Variants in STX12 observed in about 807,000 individuals in gnomAD.
STX12 encodes syntaxin 12, also known as syntaxin-12.
In STX12, 17 loss-of-function variants were observed where a neutral mutation model predicts 42.2. The ratio of observed to expected loss-of-function variants is 0.40; its 90% CI spans 0.28 to 0.60. The LOEUF is 0.60. Ranked by LOEUF, STX12 falls within the 20% of genes least tolerant of loss-of-function variation. STX12 has a pLI of 0.39. For synonymous variants in STX12, 108 were observed against 116.7 expected (o/e 0.93, Z 0.48); for missense variants, 297 against 330.9 (o/e 0.90, Z 0.79).
intron 4 of STX12, among the ~76,000 whole-genome samples, chr1:27,808,805 T>C (rs1368896723): frequency 6.6e-6 from 1 of 152,200 alleles, no homozygotes; most frequent in Non-Finnish European, 1.5e-5. Flanking sequence ...CCAAAAATCC[T>C]GGTGAATTCT....
intron 1 of STX12, among the ~76,000 whole-genome samples, chr1:27,781,180 A>G (rs968050671): frequency 6.6e-6 from 1 of 152,002 alleles, no homozygotes. Context: ...AGTAGCTGGG[A>G]TTACAGGCTC....
At chr1:27,781,982 T>C (rs2088670583) in intron 1 of STX12, among the ~76,000 whole-genome samples, 1 of 152,196 alleles carries the variant, frequency 6.6e-6, no homozygotes, top group South Asian at 2.1e-4. Context: ...ATATGAAGAT[T>C]CTCTTATTCT....
At chr1:27,789,971 A>G (rs1015606731) in intron 2 of STX12, among the ~76,000 whole-genome samples, 11 of 152,146 alleles carry the variant, frequency 7.2e-5, no homozygotes, top group Admixed American at 4.6e-4. Context: ...AGGACTCCTC[A>G]TGATCTAGTC....
chr1:27,790,144 A>G (rs911619246), intron 2 of STX12, among the ~76,000 whole-genome samples: 1 of 152,246 alleles, frequency 6.6e-6, no homozygotes, highest in East Asian at 1.9e-4. Context: ...TAGTAGAACA[A>G]TTATTTACAT....
intron 6 of STX12, 136 bp downstream of exon 6, chr1:27,812,404 C>G: frequency 1.5e-6 from 1 of 682,012 alleles, no homozygotes; most frequent in Non-Finnish European, 2.4e-6. Flanking sequence ...TTTTCTGTCT[C>G]AGTGTAATCA....
intron 7 of STX12, 81 bp from the exon 8 acceptor site, chr1:27,819,569 A>G (rs2148608781): frequency 8.1e-7 from 1 of 1,229,142 alleles, no homozygotes. Flanking sequence ...AAACCAGGAC[A>G]TGTAACATCA....
chr1:27,817,760 C>T lies in STX12; in HGVS notation c.577-91C>T, dbSNP rs989264602. The stretch of plus-strand genomic sequence containing the variant: ...TGCTTTGTAGAGCCTTAAAAACACA[C>T]GTGTTAATAGCTAAAACTTTAGGTA... On this transcript the variant is annotated intron_variant, in intron 6 of 8. Transcript: ENST00000373943. 5.7e-5 allele frequency: 62 copies of T among 1,080,734 alleles called. No individual in the cohort carries two copies. In the East Asian group the frequency reaches 9.9e-4, roughly 17 times the overall value. The allele number at this position is 1,080,734 out of a possible 1,614,324, so 66.9% of individuals were successfully genotyped here.
chr1:27,809,749 C>T (rs115950609), intron 4 of STX12, among the ~76,000 whole-genome samples: 10 of 151,982 alleles, frequency 6.6e-5, no homozygotes, highest in Non-Finnish European at 1.3e-4. Context: ...TGAGCCACTG[C>T]GCCCGGCCAG....
chr1:27,805,843 T>C (rs2088859543), intron 4 of STX12, among the ~76,000 whole-genome samples: 1 of 152,218 alleles, frequency 6.6e-6, no homozygotes, highest in African/African-American at 2.4e-5. Context: ...TTTTATAACC[T>C]TGTTGATACT....
intron 6 of STX12, 108 bp downstream of exon 6, chr1:27,812,376 C>A: frequency 5.0e-6 from 4 of 799,490 alleles, no homozygotes; most frequent in Non-Finnish European, 5.9e-6. Context: ...TAAAATGTGT[C>A]ATTGTGTGAT....
intron 1 of STX12, among the ~76,000 whole-genome samples, chr1:27,776,409 T>C (rs2088628202): frequency 6.6e-6 from 1 of 152,202 alleles, no homozygotes; most frequent in Admixed American, 6.5e-5. Context: ...TTTTTATTAC[T>C]TTTTATTAAT....
At chr1:27,816,303 A>G in intron 6 of STX12, among the ~76,000 whole-genome samples, 1 of 151,402 alleles carries the variant, frequency 6.6e-6, no homozygotes, top group African/African-American at 2.4e-5. Flanking sequence ...ACAAGAGTGA[A>G]ACTCTACCTC....
intron 5 of STX12, 70 bp downstream of exon 5, chr1:27,810,359 A>T: frequency 1.4e-6 from 2 of 1,427,390 alleles, no homozygotes; most frequent in Admixed American, 1.9e-5. Context: ...TTTTAATTTT[A>T]AAAATCAATG....
At chr1:27,807,136 ATG>A (rs1439275111) in intron 4 of STX12, among the ~76,000 whole-genome samples, 2 of 152,154 alleles carry the variant, frequency 1.3e-5, no homozygotes, top group African/African-American at 4.8e-5. Flanking sequence ...TAGTCATGTA[ATG>A]TGTAATAATT....
chr1:27,778,827 G>A (rs758666751), intron 1 of STX12, among the ~76,000 whole-genome samples: 9 of 151,918 alleles, frequency 5.9e-5, no homozygotes, highest in Non-Finnish European at 1.0e-4. Flanking sequence ...GTGTGCAATC[G>A]TAGTCCACTG....
chr1:27,796,552 A>C (rs12080965), intron 3 of STX12, among the ~76,000 whole-genome samples: 18,735 of 151,498 alleles, frequency 0.12, 3,845 homozygotes, highest in African/African-American at 0.43. Context: ...CCACCACACC[A>C]AGCTACTTTT....
At chr1:27,805,916 AT>A (rs2088859968) in intron 4 of STX12, among the ~76,000 whole-genome samples, 1 of 152,216 alleles carries the variant, frequency 6.6e-6, no homozygotes, top group Non-Finnish European at 1.5e-5. Flanking sequence ...TAAAACCATT[AT>A]AATGACTTCA....
At chr1:27,775,471 C>T (rs1442668095) in intron 1 of STX12, among the ~76,000 whole-genome samples, 4 of 152,112 alleles carry the variant, frequency 2.6e-5, no homozygotes, top group African/African-American at 9.7e-5. Flanking sequence ...GGAGTTTCAC[C>T]ATGTTGTCCA....
At chr1:27,818,907 G>C (rs896206046) in intron 7 of STX12, among the ~76,000 whole-genome samples, 2 of 151,914 alleles carry the variant, frequency 1.3e-5, no homozygotes, top group Non-Finnish European at 2.9e-5. Context: ...GATTACAGGC[G>C]TGAGCCACCA....
Sources: allele counts gnomAD v4.1 joint callset (sites outside exome capture counted in the v4.1 genomes callset), GRCh38; gene constraint gnomAD v4.1.1; transcripts MANE v1.5; gene names NCBI Gene and HGNC (gene_info 2026-07-23, HGNC 2026-07-21).